The following PRR7 variants were observed in gnomAD, a reference collection of about 807,000 sequenced individuals.
The protein encoded by PRR7 is proline-rich protein 7.
A neutral mutation model predicts 18.5 loss-of-function variants in PRR7; 8 were observed. That is an observed-to-expected ratio of 0.43 (90% CI 0.25 to 0.78). The LOEUF (loss-of-function observed/expected upper bound fraction) is 0.78, where lower values mean the gene tolerates loss of function less well. Ranked by LOEUF, PRR7 falls within the 30% of genes least tolerant of loss-of-function variation. PRR7 has a pLI of 0.22. For missense variants in PRR7, 396 were observed against 403.1 expected (o/e 0.98, Z 0.15); for synonymous variants, 221 against 187.7 (o/e 1.18, Z -1.45).
upstream of PRR7, chr5:177,446,067 TATG>T (rs952817678): frequency 6.6e-6 from 1 of 150,454 alleles, no homozygotes; most frequent in East Asian, 2.0e-4. The surrounding 1 kb of genome is among the most constrained non-coding windows in gnomAD (Gnocchi z 5.3). Context: ...TTCCAGCTAA[TATG>T]GTGGTGGAGG....
At chr5:177,451,260 G>C (rs1013757059) in intron 1 of PRR7, among the ~76,000 whole-genome samples, 2 of 152,306 alleles carry the variant, frequency 1.3e-5, no homozygotes, top group South Asian at 4.1e-4. Context: ...TGTGCCCTTG[G>C]GTGTCATTTA....
At chr5:177,447,951 G>A (rs1755981257) in intron 1 of PRR7, among the ~76,000 whole-genome samples, 1 of 152,230 alleles carries the variant, frequency 6.6e-6, no homozygotes, top group Non-Finnish European at 1.5e-5. Flanking sequence ...CGCGCCACAT[G>A]GAGGTGCCTG....
rs905045574 is a variant in PRR7, at chr5:177,455,932, G to T, written c.636G>T (p.Ser212=). 1.9e-6 allele frequency: 3 copies of T among 1,603,746 alleles called. No homozygotes were observed. The highest frequency in any genetic ancestry group is 2.5e-6 in the Non-Finnish European group (3 of 1,177,560). The change falls in exon 4 of 4, where the codon TCG becomes TCT. Residue 212 remains serine (S), a synonymous_variant. Coordinates refer to ENST00000323249, the MANE Select transcript of PRR7 (RefSeq NM_030567.5). The surrounding 1 kb of genome is among the most constrained non-coding windows in gnomAD (Gnocchi z 6.9). Reference sequence around the variant, plus strand: ...TCTTCCTGGACCGGGGCTACACCTCGGCGCTGCACCTGCCCAGCGCCCCTC... The same window carrying T: ...TCTTCCTGGACCGGGGCTACACCTCTGCGCTGCACCTGCCCAGCGCCCCTC... ...KPLFLDRGYT[S]ALHLPSAPRP...
Position 177,455,220 on chromosome 5 carries a change from G to A in PRR7, c.153G>A (p.Leu51=). 6.4e-7 allele frequency: 1 copy of A among 1,568,704 alleles called. No homozygotes were observed. The highest frequency in any genetic ancestry group is 1.4e-5 in the African/African-American group (1 of 71,682). Residue 51 remains leucine (L), a synonymous_variant, in exon 3 of 4, where the codon CTG becomes CTA. Transcript: ENST00000323249. This position sits in a 1 kb window ranked among gnomAD's most constrained non-coding sequence, Gnocchi z 6.9. The part of the protein sequence containing the change: ...RQEERLREQN[L]RALELEPLEL... ...AGGAGCGACTGCGCGAGCAGAACCT[G>A]CGCGCCCTAGAGCTGGAGCCCCTCG...
intron 1 of PRR7, among the ~76,000 whole-genome samples, chr5:177,452,681 T>C (rs1262820954): frequency 6.6e-6 from 1 of 152,194 alleles, no homozygotes; most frequent in Non-Finnish European, 1.5e-5. Flanking sequence ...CTTCCTCTCT[T>C]TGGCCCAAAG....
At chr5:177,453,437 A>G (rs1756251128) in intron 1 of PRR7, among the ~76,000 whole-genome samples, 1 of 152,190 alleles carries the variant, frequency 6.6e-6, no homozygotes, top group Non-Finnish European at 1.5e-5. Context: ...GGTTCCTGCC[A>G]TTGTCTGTTC....
At chr5:177,452,921 G>C (rs1756227180) in intron 1 of PRR7, among the ~76,000 whole-genome samples, 1 of 152,212 alleles carries the variant, frequency 6.6e-6, no homozygotes. Flanking sequence ...AGGCATGCCA[G>C]GGCCCTGGTG....
chr5:177,449,633 G>A lies in PRR7; in HGVS notation c.-325+2673G>A, dbSNP rs1756091374. On this transcript the variant is annotated intron_variant, in intron 1 of 3. Coordinates refer to ENST00000323249, the MANE Select transcript of PRR7 (RefSeq NM_030567.5). The surrounding 1 kb of genome is among the most constrained non-coding windows in gnomAD (Gnocchi z 4.2). Reference sequence around the variant, plus strand: ...AGCCACAGGCTGAGGTTTCAGAGGAGGAACCTGGTCTCTGAAAACCCTGCC... The same window carrying A: ...AGCCACAGGCTGAGGTTTCAGAGGAAGAACCTGGTCTCTGAAAACCCTGCC... Among the ~76,000 whole-genome samples, 1 of 152,170 alleles carries A rather than the reference G, an allele frequency of 6.6e-6. No individual in the cohort carries two copies. The highest frequency in any genetic ancestry group is 1.5e-5 in the Non-Finnish European group (1 of 68,016).
chr5:177,456,036 A>G lies in PRR7; in HGVS notation c.740A>G (p.Glu247Gly), dbSNP rs1182461782. 1.3e-6 allele frequency: 2 copies of G among 1,576,466 alleles called. No individual in the cohort carries two copies. The highest frequency in any genetic ancestry group is 1.8e-5 in the Admixed American group (1 of 56,384). Residue 247 changes from glutamate (E) to glycine (G), a missense_variant, in exon 4 of 4, where the codon GAG becomes GGG. By Grantham distance (98) the Glu-to-Gly change is moderately conservative (BLOSUM62 -2). Coordinates refer to ENST00000323249, the MANE Select transcript of PRR7 (RefSeq NM_030567.5). The stretch of plus-strand genomic sequence containing the variant: ...GTCTTCCCCAGCTGGACCGACTCAG[A>G]GCTCAGCAGCCGCGAGCCCCTGGAG... ...RRVFPSWTDSELSSREPLEHG... is the reference protein window; with the variant it reads ...RRVFPSWTDSGLSSREPLEHG...
Position 177,454,363 on chromosome 5 carries a change from G to A in PRR7, c.-240+323G>A, listed in dbSNP as rs1190361595. On this transcript the variant is annotated intron_variant, in intron 2 of 3. Coordinates refer to ENST00000323249, the MANE Select transcript of PRR7 (RefSeq NM_030567.5). The surrounding 1 kb of genome is among the most constrained non-coding windows in gnomAD (Gnocchi z 4.7). Reference sequence around the variant, plus strand: ...CGGAGCCAGTTGTTCCGGGCTTTGGGCAGCCAGGGGCTGCCAGGCGTCTGT... The same window carrying A: ...CGGAGCCAGTTGTTCCGGGCTTTGGACAGCCAGGGGCTGCCAGGCGTCTGT... Among the ~76,000 whole-genome samples, 3 of 152,222 alleles carry A rather than the reference G, an allele frequency of 2.0e-5. No homozygotes were observed. Among genetic ancestry groups the A allele is most frequent in the Non-Finnish European group, 2.9e-5 (2 of 68,024 alleles).
intron 1 of PRR7, among the ~76,000 whole-genome samples, chr5:177,451,194 T>G (rs1342046542): frequency 6.6e-6 from 1 of 152,210 alleles, no homozygotes; most frequent in Non-Finnish European, 1.5e-5. Flanking sequence ...AAGGCTGAAG[T>G]GTGCACAGGG....
rs1295448884 is a variant in PRR7 at position 177,449,937 on chromosome 5, G to A, written c.-325+2977G>A. ...TCCTCTCTGGCCTCAGTTCCTCTGT[G>A]TTGATGTGGGAAGGGTGTAAGGGTG... is the stretch of plus-strand genomic sequence containing the variant. On this transcript the variant is annotated intron_variant, in intron 1 of 3. Coordinates refer to ENST00000323249, the MANE Select transcript of PRR7 (RefSeq NM_030567.5). The surrounding 1 kb of genome is among the most constrained non-coding windows in gnomAD (Gnocchi z 4.2). 6.6e-6 allele frequency among the ~76,000 whole-genome samples: 1 copy of A among 152,142 alleles called. No homozygotes were observed. Among genetic ancestry groups the A allele is most frequent in the East Asian group, 1.9e-4 (1 of 5,194 alleles).
At chr5:177,448,403 G>T (rs1355035072) in intron 1 of PRR7, 1 of 152,162 alleles carries the variant, frequency 6.6e-6, no homozygotes, top group Non-Finnish European at 1.5e-5. Flanking sequence ...CAACAGTTGC[G>T]CAAGGTAAGT....
upstream of PRR7, chr5:177,446,680 C>G (rs960438613): frequency 2.0e-5 from 3 of 152,056 alleles, no homozygotes; most frequent in African/African-American, 7.2e-5. The surrounding 1 kb of genome is among the most constrained non-coding windows in gnomAD (Gnocchi z 5.3). Context: ...ACCGTCCTCC[C>G]CCTCCTTCCC....
At chr5:177,448,858 G>T (rs545481770) in intron 1 of PRR7, among the ~76,000 whole-genome samples, 10 of 152,246 alleles carry the variant, frequency 6.6e-5, no homozygotes, top group Non-Finnish European at 1.3e-4. Context: ...TGCTCAGCTT[G>T]CAGTCTTGGC....
intron 1 of PRR7, among the ~76,000 whole-genome samples, chr5:177,448,921 G>A (rs987351447): frequency 6.6e-6 from 1 of 152,212 alleles, no homozygotes; most frequent in African/African-American, 2.4e-5. Flanking sequence ...GCAGCCTGTG[G>A]GTGCTCAGTC....
rs1476795677 is a variant in PRR7, at chr5:177,455,348, C to CGCACGT, written c.292_297dup (p.Val98_His99dup). Reference sequence around the variant, plus strand: ...GCGCCGGCTCACGCGCACTCGCATCCGCACGTGCACGTGCACCCGCTGCTG... The same window carrying CGCACGT: ...GCGCCGGCTCACGCGCACTCGCATCCGCACGTGCACGTGCACGTGCACCCGCTGCTG... On this transcript the variant is annotated inframe_insertion, in exon 3 of 4. Coordinates refer to ENST00000323249, the MANE Select transcript of PRR7 (RefSeq NM_030567.5). The surrounding 1 kb of genome is among the most constrained non-coding windows in gnomAD (Gnocchi z 6.9). 13 of 1,491,662 alleles carry CGCACGT rather than the reference C, an allele frequency of 8.7e-6. No homozygotes were observed. Among genetic ancestry groups the CGCACGT allele is most frequent in the South Asian group, 3.8e-5 (3 of 79,004 alleles). 92.4% of individuals were successfully genotyped at this position (1,491,662 alleles called of 1,614,324 possible).
Position 177,456,200 on chromosome 5 carries a change from C to T in PRR7, c.*79C>T. On this transcript the variant is annotated 3_prime_UTR_variant, in exon 4 of 4. Coordinates refer to ENST00000323249, the MANE Select transcript of PRR7 (RefSeq NM_030567.5). ...GCTTTTTAAATGCTTCCCTGGACTG[C>T]GGGGAGGGGCGGGGGGAGGGAGGGA... The T allele has an allele frequency of 8.1e-7, 1 of 1,227,876 alleles. No homozygotes were observed. The highest frequency in any genetic ancestry group is 1.0e-6 in the Non-Finnish European group (1 of 958,086). 76.1% of individuals were successfully genotyped at this position (1,227,876 alleles called of 1,614,324 possible).
In PRR7 at chr5:177,449,544, G is replaced by A. The variant is rs1227859082; in HGVS notation, c.-325+2584G>A. ...CAGGGTGTCACCATCACGCCCGTGGGGCCGCCTCCCCTGGGAGGTCAGATC... is the reference window on the plus strand; with the variant it reads ...CAGGGTGTCACCATCACGCCCGTGGAGCCGCCTCCCCTGGGAGGTCAGATC... On this transcript the variant is annotated intron_variant, in intron 1 of 3. Transcript: ENST00000323249. The surrounding 1 kb of genome is among the most constrained non-coding windows in gnomAD (Gnocchi z 4.2). Among the ~76,000 whole-genome samples the A allele has an allele frequency of 6.6e-6, 1 of 152,218 alleles. No homozygotes were observed. Among genetic ancestry groups the A allele is most frequent in the Non-Finnish European group, 1.5e-5 (1 of 68,032 alleles).
Sources: allele counts gnomAD v4.1 joint callset (sites outside exome capture counted in the v4.1 genomes callset), GRCh38; gene constraint gnomAD v4.1.1; non-coding constraint Gnocchi (gnomAD v3.1); transcripts MANE v1.5; gene names NCBI Gene and HGNC (gene_info 2026-07-23, HGNC 2026-07-21).